The following ARID1A variants were observed in gnomAD, a reference collection of about 807,000 sequenced individuals.
ARID1A encodes AT-rich interaction domain 1A.
In ARID1A, 20 loss-of-function variants were observed where a neutral mutation model predicts 212.6. That is an observed-to-expected ratio of 0.09 (90% CI 0.07 to 0.14). ARID1A has a LOEUF of 0.14. Among genes scored for constraint, ARID1A ranks in the 10% least tolerant of loss-of-function variants. The pLI is 1.00. For missense variants in ARID1A, 2,587 were observed against 3,059.0 expected, an observed-to-expected ratio of 0.85 and a Z score of 3.64; for synonymous variants, 1,376 against 1,222.1, an observed-to-expected ratio of 1.13 and a Z score of -2.63.
chr1:26,773,861 C>G lies in ARID1A; in HGVS notation c.4064C>G (p.Pro1355Arg), dbSNP rs1030686989. The G allele has an allele frequency of 6.2e-7, 1 of 1,614,214 alleles. No individual in the cohort carries two copies. The highest frequency in any genetic ancestry group is 8.5e-7 in the Non-Finnish European group (1 of 1,180,030). Residue 1355 changes from proline to arginine, a missense_variant, in exon 17 of 20, where the codon CCC (proline) becomes CGC (arginine). Coordinates refer to ENST00000324856, the MANE Select transcript of ARID1A (RefSeq NM_006015.6). ...TQGTPSGSPF[P>R]SQQTTMYQQQ... ...GGCACCCCTTCTGGCAGCCCCTTCC[C>G]CAGCCAGCAGACTACAATGTATCAA...
intron 1 of ARID1A, among the ~76,000 whole-genome samples, chr1:26,698,261 T>G (rs982333383): frequency 6.6e-6 from 1 of 152,244 alleles, no homozygotes; most frequent in Non-Finnish European, 1.5e-5. Flanking sequence ...TGGTCTTAGG[T>G]TGACATCCTA....
chr1:26,775,764 A>G (rs1344534920), intron 19 of ARID1A, 57 bp downstream of exon 19: 1 of 1,611,614 alleles, frequency 6.2e-7, no homozygotes, highest in Non-Finnish European at 8.5e-7. Context: ...TAGTGTAGAC[A>G]ATGGGAATGT....
chr1:26,721,299 C>T (rs1375283689), intron 1 of ARID1A, among the ~76,000 whole-genome samples: 4 of 152,156 alleles, frequency 2.6e-5, no homozygotes, highest in Non-Finnish European at 5.9e-5. Context: ...GTGACCTCCA[C>T]CTCCCAGGTT....
rs559209760 is a variant in ARID1A at position 26,711,110 on chromosome 1, T to G, written c.1137+13570T>G. On this transcript the variant is annotated intron_variant, in intron 1 of 19. Coordinates refer to ENST00000324856, the MANE Select transcript of ARID1A (RefSeq NM_006015.6). ...TGCCCTCTTAGCCTCTTATGTCTCT[T>G]GCTCTTTTTTTTTTTTGAGACAGAG... Among the ~76,000 whole-genome samples the G allele has an allele frequency of 1.7e-3, 262 of 151,444 alleles. 2 individuals carry two copies. Among genetic ancestry groups the G allele is most frequent in the Non-Finnish European group, 3.1e-3 (210 of 67,860 alleles).
At chr1:26,698,113 T>A (rs761459738) in intron 1 of ARID1A, among the ~76,000 whole-genome samples, 2 of 152,198 alleles carry the variant, frequency 1.3e-5, no homozygotes, top group Non-Finnish European at 2.9e-5. Context: ...TGTCTTAGGC[T>A]CCGCCGGCCC....
chr1:26,706,139 A>G (rs760785310), intron 1 of ARID1A, among the ~76,000 whole-genome samples: 1 of 152,090 alleles, frequency 6.6e-6, no homozygotes, highest in Non-Finnish European at 1.5e-5. Context: ...TGAAGAGGAA[A>G]TGTGCCATGT....
intron 4 of ARID1A, among the ~76,000 whole-genome samples, chr1:26,751,278 A>G (rs933878677): frequency 6.6e-6 from 1 of 151,972 alleles, no homozygotes; most frequent in Non-Finnish European, 1.5e-5. Context: ...AGGGGAACAC[A>G]TAGCATCACA....
At chr1:26,751,938 A>G (rs797007403) in intron 4 of ARID1A, among the ~76,000 whole-genome samples, 1 of 152,224 alleles carries the variant, frequency 6.6e-6, no homozygotes, top group Non-Finnish European at 1.5e-5. Flanking sequence ...GCCTATGTAG[A>G]AAAAGAGAAG....
intron 1 of ARID1A, among the ~76,000 whole-genome samples, chr1:26,725,758 G>C (rs1020009667): frequency 6.6e-6 from 1 of 151,998 alleles, no homozygotes; most frequent in Admixed American, 6.5e-5. Context: ...GCCTCCGTGT[G>C]AGAGAGGAAA....
chr1:26,711,218 C>T (rs559312251), intron 1 of ARID1A, among the ~76,000 whole-genome samples: 25 of 152,044 alleles, frequency 1.6e-4, no homozygotes, highest in African/African-American at 5.8e-4. Context: ...AAGCAATTTT[C>T]CTGCCTCAGC....
chr1:26,697,120 G>T lies in ARID1A; in HGVS notation c.717G>T (p.Pro239=), dbSNP rs1553146083. 1 of 1,443,454 alleles carries T rather than the reference G, an allele frequency of 6.9e-7. No individual in the cohort carries two copies. The highest frequency in any genetic ancestry group is 3.1e-5 in the Admixed American group (1 of 32,186). The allele number at this position is 1,443,454 out of a possible 1,614,324, so 89.4% of individuals were successfully genotyped here. A position where few individuals can be genotyped will look rare whatever the true frequency, so the allele number is the denominator to read the frequency against. The change falls in exon 1 of 20, where the codon CCG becomes CCT. Residue 239 remains proline (P), a synonymous_variant. Coordinates refer to ENST00000324856, the MANE Select transcript of ARID1A (RefSeq NM_006015.6). ...YALSSPRGGT[P]GSGAAAAAGS... is the part of the protein sequence containing the mutation. ...TGAGCTCCCCGAGAGGTGGCACTCC[G>T]GGCTCCGGCGCGGCGGCGGCTGCCG...
chr1:26,758,846 AAGCT>A (rs2080964957), intron 4 of ARID1A, among the ~76,000 whole-genome samples: 1 of 152,202 alleles, frequency 6.6e-6, no homozygotes, highest in Admixed American at 6.5e-5. Context: ...ACCAACAAGA[AAGCT>A]AGCATTTTCT....
At chr1:26,712,398 AAGT>A (rs1440170530) in intron 1 of ARID1A, among the ~76,000 whole-genome samples, 1 of 152,054 alleles carries the variant, frequency 6.6e-6, no homozygotes, top group Admixed American at 6.5e-5. Context: ...TAAACCCTGT[AAGT>A]AGGCCGAGAG....
At chr1:26,767,750 A>G (rs2124085527) in intron 10 of ARID1A, 40 bp from the exon 11 acceptor site, 1 of 1,547,694 alleles carries the variant, frequency 6.5e-7, no homozygotes, top group East Asian at 2.2e-5. Context: ...CAGGCTTTGA[A>G]TCTGACCCAT....
rs535807264 is a variant in ARID1A, at chr1:26,770,672, C to G, written c.3199-447C>G. The stretch of plus-strand genomic sequence containing the variant: ...ACTCGGGAGGCTGAGATAAGAGAAT[C>G]GCTTGAGCCCGGGAGGCAGAGGTTA... On this transcript the variant is annotated intron_variant, in intron 11 of 19. Transcript: ENST00000324856. 1.7e-4 allele frequency: 28 copies of G among 164,392 alleles called. No homozygotes were observed. In the South Asian group the frequency reaches 4.2e-3, roughly 25 times the overall value. 10.2% of individuals were successfully genotyped at this position (164,392 alleles called of 1,614,324 possible).
chr1:26,711,954 C>T (rs1401666677), intron 1 of ARID1A, among the ~76,000 whole-genome samples: 6 of 151,886 alleles, frequency 4.0e-5, no homozygotes, highest in African/African-American at 9.7e-5. Context: ...TGGTGATGCG[C>T]GCCTGTAGTC....
At chr1:26,772,784 G>A (rs1424897814) in intron 13 of ARID1A, 28 bp from the exon 14 acceptor site, 12 of 1,608,886 alleles carry the variant, frequency 7.5e-6, no homozygotes, top group Non-Finnish European at 1.0e-5. Flanking sequence ...GTTTATTTGT[G>A]GTTTACTTGG....
rs1454897845 is a variant in ARID1A, at chr1:26,775,154, C to T, written c.4927C>T (p.Pro1643Ser). 6.2e-7 allele frequency: 1 copy of T among 1,613,436 alleles called. No individual in the cohort carries two copies. Among genetic ancestry groups the T allele is most frequent in the Non-Finnish European group, 8.5e-7 (1 of 1,179,788 alleles). ...PMIRRDITFP[P>S]GSVEATQPVL... ...GATTCGGCGGGATATCACCTTCCCA[C>T]CTGGCTCTGTTGAAGCCACACAGCC... The change falls in exon 18 of 20, where the codon CCT becomes TCT. Residue 1643 changes from proline (P) to serine (S), a missense_variant. Pro to Ser is a moderately conservative substitution (Grantham distance 74, BLOSUM62 -1). Around this residue, in one of 11 missense-constraint regions of ARID1A, gnomAD observed 890 missense variants for 1,098.2 expected, o/e 0.81. Coordinates refer to ENST00000324856, the MANE Select transcript of ARID1A (RefSeq NM_006015.6).
chr1:26,729,969 T>C, intron 2 of ARID1A, 106 bp downstream of exon 2: 1 of 1,346,670 alleles, frequency 7.4e-7, no homozygotes, highest in Non-Finnish European at 1.0e-6. Flanking sequence ...TTGACAGGAA[T>C]GTAGACCTGT....
Sources: allele counts gnomAD v4.1 joint callset (sites outside exome capture counted in the v4.1 genomes callset), GRCh38; gene constraint gnomAD v4.1.1; regional missense constraint gnomAD v4.1.1; transcripts MANE v1.5; gene names NCBI Gene and HGNC (gene_info 2026-07-23, HGNC 2026-07-21).